Variants in PKP3 observed in about 807,000 individuals in gnomAD.
The protein encoded by PKP3 is plakophilin 3, also known as plakophilin-3.
A neutral mutation model predicts 76.5 loss-of-function variants in PKP3; 66 were observed. The observed-to-expected ratio is 0.86, with a 90% CI of 0.71 to 1.06. The LOEUF (loss-of-function observed/expected upper bound fraction) is 1.06, where lower values mean the gene tolerates loss of function less well. PKP3 is among the 50% of genes least tolerant of loss of function. The pLI is 0.00. For synonymous variants in PKP3, 638 were observed against 516.5 expected, an observed-to-expected ratio of 1.24 and a Z score of -3.19; for missense variants, 1,338 against 1,141.0, an observed-to-expected ratio of 1.17 and a Z score of -2.49.
rs751164916 is a variant in PKP3, at chr11:400,047, G to A, written c.1354G>A (p.Val452Met). The part of the protein sequence containing the change: ...RDTLEQLTDL[V>M]LSPLSGAGGP... ...CACGCTGGAGCAGCTCACAGACCTG[G>A]TGTTGAGCCCCCTGTCGGGGGCTGG... The change falls in exon 6 of 13, where the codon GTG (valine) becomes ATG (methionine). Residue 452 changes from valine (V) to methionine (M), a missense_variant. By Grantham distance (21) the Val-to-Met change is conservative (BLOSUM62 1). Transcript: ENST00000331563. 7 of 1,607,078 alleles carry A rather than the reference G, an allele frequency of 4.4e-6. No homozygotes were observed. The highest frequency in any genetic ancestry group is 3.4e-6 in the Non-Finnish European group (4 of 1,178,190).
Position 394,212 on chromosome 11 carries a change from G to C in PKP3, c.-81G>C. ...AGGCTGGCTGGGCGGGGACTTCAGG[G>C]AGAGGGCCTCGAGGGACAGGACGTG... On this transcript the variant is annotated 5_prime_UTR_variant, in exon 1 of 13. Coordinates refer to ENST00000331563, the MANE Select transcript of PKP3 (RefSeq NM_007183.4). The C allele has an allele frequency of 7.2e-7, 1 of 1,395,050 alleles. No homozygotes were observed. The highest frequency in any genetic ancestry group is 9.3e-7 in the Non-Finnish European group (1 of 1,078,654). The allele number at this position is 1,395,050 out of a possible 1,614,324, so 86.4% of individuals were successfully genotyped here. A position where few individuals can be genotyped will look rare whatever the true frequency, so the allele number is the denominator to read the frequency against.
rs1847075201 is a variant in PKP3 at position 397,803 on chromosome 11, T to G, written c.1068+141T>G. 1.7e-5 allele frequency: 13 copies of G among 774,910 alleles called. No individual in the cohort carries two copies. The South Asian group carries it at 2.4e-4, about 14-fold the overall frequency. The allele number at this position is 774,910 out of a possible 1,614,324, so 48.0% of individuals were successfully genotyped here. On this transcript the variant is annotated intron_variant, in intron 4 of 12. Coordinates refer to ENST00000331563, the MANE Select transcript of PKP3 (RefSeq NM_007183.4). ...AGACCCCACTCTGTCTGGAGCCCCC[T>G]CAGCAGAGGAAGAGCAGAAGGATAC... is the stretch of plus-strand genomic sequence containing the variant.
At chr11:403,885 CCCCAGGTG>C in intron 10 of PKP3, 50 bp from the exon 11 acceptor site, 2 of 1,561,748 alleles carry the variant, frequency 1.3e-6, no homozygotes, top group Non-Finnish European at 1.7e-6. Context: ...AGGCAGGGGA[CCCCAGGTG>C]CCCAGGTGGC....
intron 9 of PKP3, 44 bp downstream of exon 9, chr11:403,307 G>A: frequency 7.0e-7 from 1 of 1,429,520 alleles, no homozygotes; most frequent in East Asian, 2.4e-5. Flanking sequence ...AGGGGTTCAT[G>A]CGGTTGAGGG....
chr11:399,895 C>T, intron 5 of PKP3, 72 bp from the exon 6 acceptor site: 2 of 1,335,018 alleles, frequency 1.5e-6, no homozygotes, highest in Non-Finnish European at 2.1e-6. Flanking sequence ...GGCGGGACCT[C>T]TTCACACCAT....
At position 404,630 on chromosome 11, in the gene PKP3, A is replaced by C; in HGVS notation, c.*61A>C. On this transcript the variant is annotated 3_prime_UTR_variant, in exon 13 of 13. Coordinates refer to ENST00000331563, the MANE Select transcript of PKP3 (RefSeq NM_007183.4). This position sits in a 1 kb window ranked among gnomAD's most constrained non-coding sequence, Gnocchi z 4.2. ...GCGTCCAAGGGACAGACTCAGCTCC[A>C]GGCTGCTTGGCAGCCCAGCCTGGAG... 3.9e-6 allele frequency: 6 copies of C among 1,548,316 alleles called. No individual in the cohort carries two copies. The highest frequency in any genetic ancestry group is 5.3e-6 in the Non-Finnish European group (6 of 1,122,274).
In PKP3 at chr11:404,898, A is replaced by G. The variant is rs112840526; in HGVS notation, c.*329A>G. 5.2e-6 allele frequency: 2 copies of G among 385,640 alleles called. No homozygotes were observed. Among genetic ancestry groups the G allele is most frequent in the Admixed American group, 3.9e-5 (1 of 25,534 alleles). 23.9% of individuals were successfully genotyped at this position (385,640 alleles called of 1,614,324 possible). Reference sequence around the variant, plus strand: ...GCCAGCACTGGGAATAAAGATGGCCATGAACAGTCACTGCCCTGTGTCCTT... The same window carrying G: ...GCCAGCACTGGGAATAAAGATGGCCGTGAACAGTCACTGCCCTGTGTCCTT... On this transcript the variant is annotated 3_prime_UTR_variant, in exon 13 of 13. Transcript: ENST00000331563. This position sits in a 1 kb window ranked among gnomAD's most constrained non-coding sequence, Gnocchi z 4.2.
chr11:398,025 G>GCGTCACCTCCCTACCCCCGCACACACCTC (rs1847082500), intron 4 of PKP3, among the ~76,000 whole-genome samples: 1 of 65,426 alleles, frequency 1.5e-5, no homozygotes, highest in Admixed American at 2.1e-4. Context: ...ACACACACCT[G>GCGTCACCTCCCTACCCCCGCACACACCTC]CGTCACCTCC....
Position 397,051 on chromosome 11 carries a change from C to A in PKP3, c.550C>A (p.Leu184Met). 6.3e-7 allele frequency: 1 copy of A among 1,599,406 alleles called. No individual in the cohort carries two copies. Among genetic ancestry groups the A allele is most frequent in the Non-Finnish European group, 8.5e-7 (1 of 1,179,592 alleles). ...ADYDTLSLRS[L>M]RLGPGGLDDR... ...CTATGACACACTCTCCCTGCGCTCG[C>A]TGCGGCTGGGGCCCGGGGGCCTGGA... Residue 184 changes from leucine (L) to methionine (M), a missense_variant, in exon 3 of 13, where the codon CTG (leucine) becomes ATG (methionine). Physicochemically the swap from Leu to Met is conservative, Grantham distance 15. Transcript: ENST00000331563.
In PKP3 at chr11:396,945, C is replaced by CG; in HGVS notation, c.449dup (p.Ala151CysfsTer16). The CG allele has an allele frequency of 1.3e-6, 2 of 1,596,260 alleles. No individual in the cohort carries two copies. The highest frequency in any genetic ancestry group is 1.7e-6 in the Non-Finnish European group (2 of 1,176,318). On this transcript the variant is annotated frameshift_variant, in exon 3 of 13. Coordinates refer to ENST00000331563, the MANE Select transcript of PKP3 (RefSeq NM_007183.4). LOFTEE classifies it high-confidence loss of function. ...GCAGCGCCTTTGGGGCCGCTGGGTA[C>CG]GGGGGTGCCCAGCCCACCCCTCCCA...
At chr11:399,917 C>G in intron 5 of PKP3, 50 bp from the exon 6 acceptor site, 1 of 1,471,382 alleles carries the variant, frequency 6.8e-7, no homozygotes. Flanking sequence ...CCCAGAAACG[C>G]GGAGGGGGTT....
rs951460039 is a variant in PKP3 at position 400,549 on chromosome 11, G to C, written c.1581G>C (p.Ala527=). 2.0e-6 allele frequency: 3 copies of C among 1,495,566 alleles called. No homozygotes were observed. The highest frequency in any genetic ancestry group is 1.3e-5 in the South Asian group (1 of 78,688). The allele number at this position is 1,495,566 out of a possible 1,614,324, so 92.6% of individuals were successfully genotyped here. ...CCCGCCCGCAGAGCGTGGAGAACGC[G>C]GTGTGCGTCCTGCGGAACCTGTCCT... is the stretch of plus-strand genomic sequence containing the variant. ...GKCEDKSVEN[A]VCVLRNLSYR... The change falls in exon 8 of 13, where the codon GCG becomes GCC. Residue 527 remains alanine (A), a synonymous_variant. Transcript: ENST00000331563.
At chr11:397,782 C>G (rs1847074993) in intron 4 of PKP3, 120 bp downstream of exon 4, 1 of 991,732 alleles carries the variant, frequency 1.0e-6, no homozygotes, top group African/African-American at 1.6e-5. Flanking sequence ...CTGGGTAGAC[C>G]CCACTCTGTC....
chr11:403,267 G>A lies in PKP3; in HGVS notation c.1923+4G>A, dbSNP rs1400298809. On this transcript the variant is annotated splice_donor_region_variant and intron_variant, in intron 9 of 12. Transcript: ENST00000331563. ...CATCACGGCAGGCGACCGCAGGGTG[G>A]GGCACCCAACCCAGACCCGAGGGGG... 8.3e-6 allele frequency: 13 copies of A among 1,569,196 alleles called. 1 individual carries two copies. The African/African-American group carries it at 9.5e-5, about 11-fold the overall frequency.
In PKP3 at chr11:396,807, C is replaced by T. The variant is rs377734223; in HGVS notation, c.313-7C>T. ...GCACGCCCTCACCGCCCCCTCTCGACCCACAGGGCTTCCGGCCCATCGCCA... is the reference window on the plus strand; with the variant it reads ...GCACGCCCTCACCGCCCCCTCTCGATCCACAGGGCTTCCGGCCCATCGCCA... On this transcript the variant is annotated splice_region_variant and splice_polypyrimidine_tract_variant and intron_variant, in intron 2 of 12. Transcript: ENST00000331563. 6.3e-6 allele frequency: 10 copies of T among 1,577,304 alleles called. No individual in the cohort carries two copies. In the East Asian group the frequency reaches 9.0e-5, roughly 14 times the overall value.
upstream of PKP3, chr11:393,384 C>A (rs1211042970): frequency 6.6e-6 from 1 of 152,102 alleles, no homozygotes; most frequent in Non-Finnish European, 1.5e-5. Context: ...TGAGTCAACC[C>A]CCTGGGGCGG....
In PKP3 at chr11:400,555, C is replaced by T. The variant is rs535982399; in HGVS notation, c.1587C>T (p.Cys529=). 306 of 1,495,092 alleles carry T rather than the reference C, an allele frequency of 2.0e-4. 5 individuals are homozygous for T. In the South Asian group the frequency reaches 3.7e-3, roughly 18 times the overall value. The allele number at this position is 1,495,092 out of a possible 1,614,324, so 92.6% of individuals were successfully genotyped here. ...CEDKSVENAV[C]VLRNLSYRLY... ...CGCAGAGCGTGGAGAACGCGGTGTG[C>T]GTCCTGCGGAACCTGTCCTACCGCC... Residue 529 remains cysteine (C), a synonymous_variant, in exon 8 of 13, where the codon TGC becomes TGT. Coordinates refer to ENST00000331563, the MANE Select transcript of PKP3 (RefSeq NM_007183.4).
In PKP3 at chr11:403,749, C is replaced by T. The variant is rs116633466; in HGVS notation, c.2055C>T (p.Asn685=). 1.5e-3 allele frequency: 2,337 copies of T among 1,608,222 alleles called. 14 individuals are homozygous for T. In the African/African-American group the frequency reaches 0.015, roughly 10 times the overall value. ...LTGLIRNLSR[N]ARNKDEMSTK... Reference sequence around the variant, plus strand: ...GCCTCATCCGAAACCTGTCTCGGAACGCTAGGAACAAGGACGAGATGTGTG... The same window carrying T: ...GCCTCATCCGAAACCTGTCTCGGAATGCTAGGAACAAGGACGAGATGTGTG... Residue 685 remains asparagine, a synonymous_variant, in exon 10 of 13, where the codon AAC becomes AAT. Coordinates refer to ENST00000331563, the MANE Select transcript of PKP3 (RefSeq NM_007183.4).
intron 1 of PKP3, 36 bp downstream of exon 1, chr11:394,560 C>G: frequency 7.4e-7 from 1 of 1,342,366 alleles, no homozygotes; most frequent in South Asian, 1.8e-5. Flanking sequence ...ATGGCGGTGG[C>G]GGGGAGAGGT....
Sources: gnomAD v4.1 joint callset for allele counts (sites outside exome capture counted in the v4.1 genomes callset) on GRCh38, gnomAD v4.1.1 for gene constraint, Gnocchi (gnomAD v3.1) non-coding constraint, MANE v1.5 for transcripts, NCBI Gene and HGNC (gene_info 2026-07-23, HGNC 2026-07-21) for gene names.